The following SUMF1 variants were observed in gnomAD, a reference collection of about 807,000 sequenced individuals.
SUMF1 encodes the protein formylglycine-generating enzyme.
Under a neutral mutation model 47.6 loss-of-function variants are expected in SUMF1, and 48 were observed. The observed-to-expected ratio is 1.01, with a 90% CI of 0.80 to 1.28. The LOEUF (loss-of-function observed/expected upper bound fraction) is 1.28, where lower values mean the gene tolerates loss of function less well. Among genes scored for constraint, SUMF1 ranks in the 50% most tolerant of loss-of-function variants. The pLI, the probability that SUMF1 is intolerant of heterozygous loss-of-function variation, is 0.00. For missense variants in SUMF1, 571 were observed against 485.4 expected (o/e 1.18, Z -1.66); for synonymous variants, 230 against 192.1 (o/e 1.20, Z -1.63).
At chr3:4,381,289 A>C (rs1575155842) in intron 7 of SUMF1, among the ~76,000 whole-genome samples, 1 of 152,208 alleles carries the variant, frequency 6.6e-6, no homozygotes, top group African/African-American at 2.4e-5. Flanking sequence ...CTAAGCTACG[A>C]GGATGCAAAG....
intron 8 of SUMF1, among the ~76,000 whole-genome samples, chr3:4,286,348 C>G (rs2125050542): frequency 6.6e-6 from 1 of 152,142 alleles, no homozygotes; most frequent in Middle Eastern, 3.4e-3. Flanking sequence ...AAAGCAAAAA[C>G]CGTATTAACA....
chr3:4,215,954 G>A (rs1695913706), intron 8 of SUMF1, among the ~76,000 whole-genome samples: 1 of 152,132 alleles, frequency 6.6e-6, no homozygotes, highest in South Asian at 2.1e-4. Context: ...CTGTGACAAT[G>A]GTCATACTGC....
chr3:4,405,576 T>C (rs1200882619), intron 7 of SUMF1, among the ~76,000 whole-genome samples: 2 of 152,042 alleles, frequency 1.3e-5, no homozygotes, highest in Non-Finnish European at 2.9e-5. Context: ...TTTGTAAAGA[T>C]GAGATTTTGC....
intron 8 of SUMF1, among the ~76,000 whole-genome samples, chr3:4,090,819 T>C (rs1040246175): frequency 6.6e-6 from 1 of 152,122 alleles, no homozygotes; most frequent in East Asian, 1.9e-4. Context: ...AATATATACA[T>C]AGTTCACATT....
intron 8 of SUMF1, among the ~76,000 whole-genome samples, chr3:4,099,068 T>C (rs1472525559): frequency 6.6e-6 from 1 of 152,114 alleles, no homozygotes; most frequent in African/African-American, 2.4e-5. Context: ...CCATGAGTTA[T>C]GAGATGGCAT....
chr3:4,245,822 T>C (rs927322058), intron 8 of SUMF1, among the ~76,000 whole-genome samples: 4 of 152,206 alleles, frequency 2.6e-5, no homozygotes, highest in African/African-American at 9.6e-5. Context: ...CTGCTGCCTT[T>C]GGTTCAGATA....
At chr3:4,270,361 T>G (rs1697279003) in intron 8 of SUMF1, among the ~76,000 whole-genome samples, 1 of 151,964 alleles carries the variant, frequency 6.6e-6, no homozygotes, top group Non-Finnish European at 1.5e-5. Flanking sequence ...CTCTCTTCCT[T>G]TCCCTTCCCT....
intron 6 of SUMF1, among the ~76,000 whole-genome samples, chr3:4,413,071 C>T (rs1701596521): frequency 6.6e-6 from 1 of 151,850 alleles, no homozygotes; most frequent in Admixed American, 6.6e-5. Flanking sequence ...GTGATGCAAT[C>T]ACAGCTCACT....
intron 9 of SUMF1, among the ~76,000 whole-genome samples, chr3:4,049,433 A>G (rs1193022672): frequency 6.6e-6 from 1 of 152,188 alleles, no homozygotes; most frequent in African/African-American, 2.4e-5. Flanking sequence ...AATGACCACC[A>G]CCACAACAGA....
At chr3:4,316,653 T>C (rs1403491788) in intron 8 of SUMF1, 1 of 1,551,238 alleles carries the variant, frequency 6.4e-7, no homozygotes, top group Non-Finnish European at 8.7e-7. Flanking sequence ...CAACGAACCA[T>C]TTCTCGATCG....
At chr3:4,067,978 T>C (rs546537875) in intron 9 of SUMF1, among the ~76,000 whole-genome samples, 65 of 152,284 alleles carry the variant, frequency 4.3e-4, no homozygotes, top group Middle Eastern at 3.4e-3. Flanking sequence ...AAAAATATCT[T>C]GCCTGAAGTC....
chr3:4,305,228 G>C (rs1317154530), intron 8 of SUMF1, among the ~76,000 whole-genome samples: 5 of 152,104 alleles, frequency 3.3e-5, no homozygotes, highest in Non-Finnish European at 7.4e-5. Flanking sequence ...TGGAATTACA[G>C]GCGCCTACAA....
intron 8 of SUMF1, among the ~76,000 whole-genome samples, chr3:4,234,660 G>T (rs1255258273): frequency 6.6e-6 from 1 of 152,128 alleles, no homozygotes; most frequent in Non-Finnish European, 1.5e-5. Flanking sequence ...ACACCTATTA[G>T]TGGTTCCTAT....
chr3:4,297,131 A>G lies in SUMF1; in HGVS notation c.1014+79199T>C, dbSNP rs117760031. Among the ~76,000 whole-genome samples, 5 of 152,300 alleles carry G rather than the reference A, an allele frequency of 3.3e-5. No individual in the cohort carries two copies. In the East Asian group the frequency reaches 7.7e-4, roughly 24 times the overall value. ...GAGAACCTAATTGTCCTAGATTGAA[A>G]AAGGTGTGCACCTGTAAGCTAAAAA... On this transcript the variant is annotated intron_variant and NMD_transcript_variant, in intron 8 of 12. Coordinates refer to the SUMF1 transcript ENST00000448413.
chr3:4,189,389 T>C, intron 8 of SUMF1, among the ~76,000 whole-genome samples: 2 of 152,178 alleles, frequency 1.3e-5, no homozygotes, highest in Non-Finnish European at 2.9e-5. Context: ...GGGAAATTTT[T>C]AAAAGACAGG....
intron 8 of SUMF1, among the ~76,000 whole-genome samples, chr3:4,156,648 T>A (rs1694458186): frequency 6.6e-6 from 1 of 151,606 alleles, no homozygotes; most frequent in Non-Finnish European, 1.5e-5. Context: ...AAGTCATATA[T>A]CCCATGCTGT....
intron 9 of SUMF1, among the ~76,000 whole-genome samples, chr3:4,051,382 G>A (rs934654020): frequency 2.0e-5 from 3 of 152,118 alleles, no homozygotes; most frequent in Admixed American, 2.0e-4. Context: ...AGAGCCCCAA[G>A]AAAGTGGTTT....
At chr3:4,283,868 C>G (rs1697577017) in intron 8 of SUMF1, among the ~76,000 whole-genome samples, 1 of 152,214 alleles carries the variant, frequency 6.6e-6, no homozygotes, top group Non-Finnish European at 1.5e-5. Flanking sequence ...AAAGACAGTG[C>G]CTTTTTGCTG....
intron 8 of SUMF1, among the ~76,000 whole-genome samples, chr3:4,309,199 GA>G (rs769289472): frequency 2.0e-5 from 3 of 152,192 alleles, no homozygotes; most frequent in Non-Finnish European, 4.4e-5. Context: ...GCTTCAGAGA[GA>G]ATAGATTGTA....
Sources: allele counts gnomAD v4.1 joint callset (sites outside exome capture counted in the v4.1 genomes callset), GRCh38; gene constraint gnomAD v4.1.1; transcripts MANE v1.5; gene names NCBI Gene and HGNC (gene_info 2026-07-23, HGNC 2026-07-21).